ZSCAN31: variants seen among roughly 807,000 people sequenced by gnomAD.
The protein encoded by ZSCAN31 is zinc finger and SCAN domain containing 31, also known as zinc finger and SCAN domain-containing protein 31.
ZSCAN31 carries 14 observed loss-of-function variants against 22.5 expected under a neutral mutation model. That is an observed-to-expected ratio of 0.62 (90% confidence interval 0.41 to 0.97). ZSCAN31 has a LOEUF of 0.97. Ranked by LOEUF, ZSCAN31 falls within the 50% of genes least tolerant of loss-of-function variation. The pLI, the probability that ZSCAN31 is intolerant of heterozygous loss-of-function variation, is 0.00. For synonymous variants in ZSCAN31, 168 were observed against 169.8 expected, an observed-to-expected ratio of 0.99 and a Z score of 0.08; for missense variants, 424 against 483.4, an observed-to-expected ratio of 0.88 and a Z score of 1.15.
chr6:28,354,076 C>A (rs1268688792), intron 1 of ZSCAN31: 2 of 405,616 alleles, frequency 4.9e-6, no homozygotes, highest in Non-Finnish European at 9.9e-6. Flanking sequence ...GTGGCTCCTG[C>A]CGCTCCCACA....
chr6:28,345,144 C>CAAAAAAAA (rs60598517), intron 2 of ZSCAN31, among the ~76,000 whole-genome samples: 1 of 93,630 alleles, frequency 1.1e-5, no homozygotes, highest in African/African-American at 3.8e-5. Context: ...AACTGTGTCT[C>CAAAAAAAA]AAAAAAAAAA....
rs373937475 is a variant in ZSCAN31, at chr6:28,326,674, C to T, written c.713G>A (p.Arg238His). ...TTTCCCACATTCATTGCACCTGTGG[C>T]GTCTCTCTCCAGTGGAATGTGCCTG... ...KQQAHSTGER[R>H]HRCNECGKSF... The change falls in exon 4 of 4, where the codon CGC becomes CAC. Residue 238 changes from arginine (R) to histidine (H), a missense_variant. Coordinates refer to ENST00000344279, the MANE Select transcript of ZSCAN31 (RefSeq NM_030899.5). The T allele has an allele frequency of 6.8e-5, 110 of 1,614,106 alleles. No individual in the cohort carries two copies. The highest frequency in any genetic ancestry group is 1.6e-4 in the Middle Eastern group (1 of 6,062).
chr6:28,327,592 C>T (rs768524317), intron 2 of ZSCAN31, 59 bp from the exon 3 acceptor site: 11 of 1,538,988 alleles, frequency 7.1e-6, no homozygotes, highest in Admixed American at 1.8e-5. Flanking sequence ...CAAGCTAATA[C>T]TAAATGAAAG....
chr6:28,340,495 G>T (rs778221899), upstream of ZSCAN31, among the ~76,000 whole-genome samples: 8 of 152,138 alleles, frequency 5.3e-5, no homozygotes, highest in Non-Finnish European at 4.4e-5. Context: ...TCTCTCTCCT[G>T]CTGCCATGTG....
chr6:28,338,220 G>A (rs1234806265), upstream of ZSCAN31, among the ~76,000 whole-genome samples: 1 of 152,056 alleles, frequency 6.6e-6, no homozygotes, highest in Non-Finnish European at 1.5e-5. Context: ...GCAACGTGGT[G>A]AAACCCCATC....
At position 28,333,333 on chromosome 6, in the gene ZSCAN31, G is replaced by A. The variant is rs1265100845; in HGVS notation, c.-96+2749C>T. ...CATTTAGTCAATAAATGTTCATTGAGCACTCATAACATACCAGGTACTTGG... is the reference window on the plus strand; with the variant it reads ...CATTTAGTCAATAAATGTTCATTGAACACTCATAACATACCAGGTACTTGG... On this transcript the variant is annotated intron_variant, in intron 1 of 3. Transcript: ENST00000344279. This position sits in a 1 kb window ranked among gnomAD's most constrained non-coding sequence, Gnocchi z 4.1. 6.6e-6 allele frequency among the ~76,000 whole-genome samples: 1 copy of A among 152,178 alleles called. No individual in the cohort carries two copies. The highest frequency in any genetic ancestry group is 2.4e-5 in the African/African-American group (1 of 41,434).
chr6:28,326,697 C>T lies in ZSCAN31; in HGVS notation c.690G>A (p.Gln230=). 8 of 1,614,220 alleles carry T rather than the reference C, an allele frequency of 5.0e-6. No homozygotes were observed. Among genetic ancestry groups the T allele is most frequent in the Non-Finnish European group, 5.9e-6 (7 of 1,180,038 alleles). ...GGCGTCTCTCTCCAGTGGAATGTGC[C>T]TGCTGCTTTTCTGCCTTGCTGTCTC... ...CKRDSKAEKQ[Q]AHSTGERRHR... Residue 230 remains glutamine (Q), a synonymous_variant, in exon 4 of 4, where the codon CAG becomes CAA. Coordinates refer to ENST00000344279, the MANE Select transcript of ZSCAN31 (RefSeq NM_030899.5).
chr6:28,346,583 C>G (rs1016754772), intron 2 of ZSCAN31, among the ~76,000 whole-genome samples: 1 of 152,038 alleles, frequency 6.6e-6, no homozygotes, highest in African/African-American at 2.4e-5. Context: ...TCTTGAACTC[C>G]TGACCTCAAG....
At chr6:28,339,322 A>C (rs1214356066), upstream of ZSCAN31, among the ~76,000 whole-genome samples, 17 of 152,034 alleles carry the variant, frequency 1.1e-4, no homozygotes, top group Admixed American at 1.1e-3. Flanking sequence ...GTGGGGAAGG[A>C]GTCATGCTCT....
intron 1 of ZSCAN31, chr6:28,354,042 C>T (rs1581721720): frequency 2.3e-6 from 1 of 431,116 alleles, no homozygotes; most frequent in East Asian, 7.0e-5. Context: ...CCTCCGACCG[C>T]AGCCCTTCTC....
rs200779855 is a variant in ZSCAN31, at chr6:28,326,248, T to G, written c.1139A>C (p.Gln380Pro). Residue 380 changes from glutamine to proline, a missense_variant, in exon 4 of 4, where the codon CAG becomes CCG. Transcript: ENST00000344279. Reference protein sequence around the residue: ...LRVHTGEKPYQCSQCSKLFSK... With the variant: ...LRVHTGEKPYPCSQCSKLFSK... ...AAAGAGTTTACTGCACTGACTGCAC[T>G]GATAGGGTTTCTCACCAGTGTGGAC... is the stretch of plus-strand genomic sequence containing the variant. 2.6e-5 allele frequency: 42 copies of G among 1,614,058 alleles called. No homozygotes were observed. Among genetic ancestry groups the G allele is most frequent in the Non-Finnish European group, 3.5e-5 (41 of 1,180,026 alleles).
Position 28,326,798 on chromosome 6 carries a change from C to A in ZSCAN31, c.589G>T (p.Glu197Ter), listed in dbSNP as rs376267017. ...ELASKQEILK[E>*]MEHLGDSKLQ... ...TTGCTATCCCCCAAATGTTCCATTTCTTTTAAGATTTCTTGCTTTGATGCC... is the reference window on the plus strand; with the variant it reads ...TTGCTATCCCCCAAATGTTCCATTTATTTTAAGATTTCTTGCTTTGATGCC... The change falls in exon 4 of 4, where the codon GAA (glutamate) becomes TAA (stop). Residue 197 changes from glutamate to a stop codon, truncating the protein, a stop_gained. Transcript: ENST00000344279. LOFTEE classifies it low-confidence loss of function (END_TRUNC). 5.0e-6 allele frequency: 8 copies of A among 1,613,286 alleles called. No individual in the cohort carries two copies. The African/African-American group carries it at 1.1e-4, about 22-fold the overall frequency.
intron 2 of ZSCAN31, among the ~76,000 whole-genome samples, chr6:28,346,342 C>CTT (rs5875155): frequency 3.4e-5 from 3 of 87,766 alleles, no homozygotes; most frequent in Admixed American, 2.8e-4. Context: ...TCAGTACAAT[C>CTT]TTTTTTTTTT....
chr6:28,352,988 G>C (rs1192396185), intron 2 of ZSCAN31, among the ~76,000 whole-genome samples: 1 of 141,616 alleles, frequency 7.1e-6, no homozygotes, highest in East Asian at 2.1e-4. Context: ...TTTTGAGGCA[G>C]AGTCTTGCTC....
At chr6:28,334,579 C>A (rs1763999007) in intron 1 of ZSCAN31, among the ~76,000 whole-genome samples, 2 of 152,156 alleles carry the variant, frequency 1.3e-5, no homozygotes, top group South Asian at 4.1e-4. Flanking sequence ...AGAAGAAGAC[C>A]TTAAATACCA....
At chr6:28,330,218 T>A (rs190156455) in intron 1 of ZSCAN31, among the ~76,000 whole-genome samples, 213 of 152,268 alleles carry the variant, frequency 1.4e-3, no homozygotes, top group Middle Eastern at 6.8e-3. Context: ...CATCCTAGAT[T>A]AGCTGACAGC....
At chr6:28,326,990 G>T in intron 3 of ZSCAN31, 136 bp from the exon 4 acceptor site, 1 of 891,296 alleles carries the variant, frequency 1.1e-6, no homozygotes, top group Non-Finnish European at 1.7e-6. Flanking sequence ...GAGCAGGTTG[G>T]GTTAAACAGG....
intron 2 of ZSCAN31, among the ~76,000 whole-genome samples, chr6:28,344,304 A>T (rs980931354): frequency 6.6e-6 from 1 of 152,208 alleles, no homozygotes; most frequent in Non-Finnish European, 1.5e-5. Context: ...CTTCAATGAT[A>T]TATTCAATGA....
At chr6:28,340,243 C>T (rs1764361193), upstream of ZSCAN31, among the ~76,000 whole-genome samples, 1 of 152,216 alleles carries the variant, frequency 6.6e-6, no homozygotes. Flanking sequence ...TTACATTTCA[C>T]ATATAGACAG....
Sources: allele counts gnomAD v4.1 joint callset (sites outside exome capture counted in the v4.1 genomes callset), GRCh38; gene constraint gnomAD v4.1.1; non-coding constraint Gnocchi (gnomAD v3.1); transcripts MANE v1.5; gene names NCBI Gene and HGNC (gene_info 2026-07-23, HGNC 2026-07-21).